Variants in LPP observed in about 807,000 individuals in gnomAD.
The protein encoded by LPP is lipoma-preferred partner.
Under a neutral mutation model 60.4 loss-of-function variants are expected in LPP, and 38 were observed. The observed-to-expected ratio is 0.63, with a 90% CI of 0.49 to 0.83. The LOEUF (loss-of-function observed/expected upper bound fraction) is 0.83, where lower values mean the gene tolerates loss of function less well. Ranked by LOEUF, LPP falls within the 40% of genes least tolerant of loss-of-function variation. LPP has a pLI of 0.00. For missense variants in LPP, 902 were observed against 783.6 expected, an observed-to-expected ratio of 1.15 and a Z score of -1.80; for synonymous variants, 328 against 290.8, an observed-to-expected ratio of 1.13 and a Z score of -1.30.
At position 188,154,208 on chromosome 3, in the gene LPP, C is replaced by T. The variant is rs1715343861; in HGVS notation, c.-234C>T. Among the ~76,000 whole-genome samples, 1 of 151,726 alleles carries T rather than the reference C, an allele frequency of 6.6e-6. No individual in the cohort carries two copies. On this transcript the variant is annotated 5_prime_UTR_variant, in exon 1 of 12. Coordinates refer to ENST00000617246, the MANE Select transcript of LPP (RefSeq NM_001375462.1). The stretch of plus-strand genomic sequence containing the variant: ...CTCCAGCCGCCGCCGCCGCCGCCGC[C>T]GCCGCCACCACCACCGCCGCTGCCC...
chr3:188,271,524 G>C (rs1046372377), intron 2 of LPP, among the ~76,000 whole-genome samples: 2 of 152,200 alleles, frequency 1.3e-5, no homozygotes, highest in African/African-American at 2.4e-5. Flanking sequence ...TGCTGTCACA[G>C]ATGTTAAGAA....
chr3:188,483,092 A>C (rs13071259), intron 4 of LPP, among the ~76,000 whole-genome samples: 116,929 of 152,134 alleles, frequency 0.77, 45,188 homozygotes, highest in Non-Finnish European at 0.81. Context: ...AATCTTAGCA[A>C]ACTGCCTGGC....
At chr3:188,643,707 T>TGA (rs1850602019) in intron 7 of LPP, among the ~76,000 whole-genome samples, 1 of 152,144 alleles carries the variant, frequency 6.6e-6, no homozygotes, top group Admixed American at 6.5e-5. Context: ...TGGCAGACCA[T>TGA]GAGACACCCC....
chr3:188,475,766 G>A (rs1560452381), intron 4 of LPP, among the ~76,000 whole-genome samples: 1 of 152,158 alleles, frequency 6.6e-6, no homozygotes, highest in African/African-American at 2.4e-5. Context: ...AGCCGGGCGT[G>A]GTGGCGGGCG....
At chr3:188,229,042 C>T (rs967047085) in intron 2 of LPP, among the ~76,000 whole-genome samples, 3 of 152,240 alleles carry the variant, frequency 2.0e-5, no homozygotes, top group South Asian at 2.1e-4. Flanking sequence ...TGTACCTCTT[C>T]CTCCTCCGGG....
At chr3:188,307,373 A>G (rs769255347) in intron 2 of LPP, among the ~76,000 whole-genome samples, 1 of 152,214 alleles carries the variant, frequency 6.6e-6, no homozygotes, top group African/African-American at 2.4e-5. Flanking sequence ...TCATTAAATC[A>G]GAATATCTGT....
intron 8 of LPP, among the ~76,000 whole-genome samples, chr3:188,757,909 T>TTTTTTTTTTTTTTTTTTTTTC (rs1372528441): frequency 6.8e-6 from 1 of 147,814 alleles, no homozygotes; most frequent in African/African-American, 2.5e-5. Context: ...TTTTTTTTTT[T>TTTTTTTTTTTTTTTTTTTTTC]CAGAATAATT....
intron 3 of LPP, among the ~76,000 whole-genome samples, chr3:188,384,171 G>A (rs781105527): frequency 6.6e-6 from 1 of 152,174 alleles, no homozygotes; most frequent in Non-Finnish European, 1.5e-5. Context: ...GTTTTATGAA[G>A]TGTAAATTCT....
Position 188,577,781 on chromosome 3 carries a change from T to C in LPP, c.430-31380T>C, listed in dbSNP as rs7611865. Among the ~76,000 whole-genome samples the C allele has an allele frequency of 1.3e-4, 14 of 104,316 alleles. No individual in the cohort carries two copies. The East Asian group carries it at 1.7e-3, about 13-fold the overall frequency. The allele number at this position is 104,316 out of a possible 152,430, so 68.4% of individuals were successfully genotyped here. ...CCTTCGTTCCTTCCTTCCTTCCTTC[T>C]GTCCTTCCCTTCCCTCCCTCCCTCC... is the stretch of plus-strand genomic sequence containing the variant. On this transcript the variant is annotated intron_variant, in intron 6 of 11. Transcript: ENST00000617246.
chr3:188,318,753 CTTTTT>C (rs10708836), intron 2 of LPP, among the ~76,000 whole-genome samples: 14 of 96,886 alleles, frequency 1.4e-4, no homozygotes, highest in East Asian at 9.0e-4. Flanking sequence ...AATTATGATT[CTTTTT>C]TTTTTTTTTT....
At chr3:188,668,902 T>G (rs1856367025) in intron 7 of LPP, among the ~76,000 whole-genome samples, 1 of 152,224 alleles carries the variant, frequency 6.6e-6, no homozygotes. Flanking sequence ...CTGGAAATCC[T>G]TTTTGGTGAA....
At chr3:188,865,887 C>T (rs1184563680) in intron 9 of LPP, among the ~76,000 whole-genome samples, 1 of 152,204 alleles carries the variant, frequency 6.6e-6, no homozygotes, top group African/African-American at 2.4e-5. Context: ...TCAGAAAACA[C>T]ATGTCCTCAG....
chr3:188,635,579 T>A (rs1272379258), intron 7 of LPP, among the ~76,000 whole-genome samples: 2 of 152,154 alleles, frequency 1.3e-5, no homozygotes, highest in Non-Finnish European at 2.9e-5. Context: ...GCTCCATTTC[T>A]CGTGTTTTGA....
chr3:188,778,182 AC>A (rs1202017569), intron 9 of LPP, among the ~76,000 whole-genome samples: 1 of 152,194 alleles, frequency 6.6e-6, no homozygotes, highest in Admixed American at 6.5e-5. Context: ...AGCAAAGAAC[AC>A]CCATGTTTTC....
intron 6 of LPP, among the ~76,000 whole-genome samples, chr3:188,607,418 A>ATATATATAAT (rs1842732460): frequency 2.6e-5 from 1 of 38,496 alleles, no homozygotes; most frequent in Non-Finnish European, 8.0e-5. Context: ...TATATATATA[A>ATATATATAAT]TTTTTTTTTC....
At chr3:188,646,186 T>C (rs1191120828) in intron 7 of LPP, among the ~76,000 whole-genome samples, 1 of 152,232 alleles carries the variant, frequency 6.6e-6, no homozygotes, top group Admixed American at 6.5e-5. Context: ...CATAGCTTCA[T>C]TCATTCACCC....
At chr3:188,658,308 C>A (rs1166399623) in intron 7 of LPP, among the ~76,000 whole-genome samples, 1 of 152,072 alleles carries the variant, frequency 6.6e-6, no homozygotes, top group Non-Finnish European at 1.5e-5. Context: ...CCACACCTAG[C>A]TAATTTTTTG....
intron 9 of LPP, among the ~76,000 whole-genome samples, chr3:188,823,038 A>G (rs3856920): frequency 0.24 from 37,174 of 151,954 alleles, 4,931 homozygotes; most frequent in African/African-American, 0.33. Context: ...GACATTTTAT[A>G]ATTCAATTAC....
At chr3:188,637,615 A>G (rs1253914939) in intron 7 of LPP, among the ~76,000 whole-genome samples, 1 of 151,904 alleles carries the variant, frequency 6.6e-6, no homozygotes, top group Non-Finnish European at 1.5e-5. Flanking sequence ...ATAGACCGCT[A>G]GCAAGACTAA....
Sources: gnomAD v4.1 joint callset for allele counts (sites outside exome capture counted in the v4.1 genomes callset) on GRCh38, gnomAD v4.1.1 for gene constraint, MANE v1.5 for transcripts, NCBI Gene and HGNC (gene_info 2026-07-23, HGNC 2026-07-21) for gene names.